The following LBR variants were observed in gnomAD, a reference collection of about 807,000 sequenced individuals.
LBR encodes the protein lamin B receptor, also known as delta(14)-sterol reductase LBR.
LBR carries 28 observed loss-of-function variants against 74.3 expected under a neutral mutation model. That is an observed-to-expected ratio of 0.38 (90% confidence interval 0.28 to 0.52). The LOEUF is 0.52. Among genes scored for constraint, LBR ranks in the 20% least tolerant of loss-of-function variants. LBR has a pLI of 0.89. For synonymous variants in LBR, 228 were observed against 269.3 expected (o/e 0.85, Z 1.50); for missense variants, 717 against 760.3 (o/e 0.94, Z 0.67).
intron 9 of LBR, 147 bp from the exon 10 acceptor site, chr1:225,410,563 C>A: frequency 1.3e-6 from 1 of 783,842 alleles, no homozygotes. Context: ...CATCTCAGCA[C>A]CATGGGCCCC....
rs2096107979 is a variant in LBR, at chr1:225,412,511, A to G, written c.1027T>C (p.Tyr343His). The G allele has an allele frequency of 6.2e-6, 10 of 1,614,098 alleles. No individual in the cohort carries two copies. The highest frequency in any genetic ancestry group is 6.8e-6 in the Non-Finnish European group (8 of 1,180,046). ...GCTTTCAAAGAGCGCATGTAGAGATACACACTCAAGACCACACAAAAAACA... is the reference window on the plus strand; with the variant it reads ...GCTTTCAAAGAGCGCATGTAGAGATGCACACTCAAGACCACACAAAAAACA... ...ATVFCVVLSV[Y>H]LYMRSLKAPR... The change falls in exon 8 of 14, where the codon TAT becomes CAT. Residue 343 changes from tyrosine to histidine, a missense_variant. Coordinates refer to ENST00000272163, the MANE Select transcript of LBR (RefSeq NM_002296.4).
chr1:225,412,686 A>C, intron 7 of LBR, 41 bp from the exon 8 acceptor site: 1 of 1,539,252 alleles, frequency 6.5e-7, no homozygotes, highest in African/African-American at 1.4e-5. Flanking sequence ...AATTAATATT[A>C]ACCCAAGGCT....
rs1263707317 is a variant in LBR, at chr1:225,403,186, A to G, written c.*117T>C. 2 of 836,748 alleles carry G rather than the reference A, an allele frequency of 2.4e-6. No individual in the cohort carries two copies. Among genetic ancestry groups the G allele is most frequent in the Admixed American group, 4.4e-5 (2 of 45,480 alleles). The allele number at this position is 836,748 out of a possible 1,614,324, so 51.8% of individuals were successfully genotyped here. The stretch of plus-strand genomic sequence containing the variant: ...GGCTCCATAGTCCTGACTCAAAAAG[A>G]AAAAAAAAAGTACAGACCCTGTCAG... On this transcript the variant is annotated 3_prime_UTR_variant, in exon 14 of 14. Coordinates refer to ENST00000272163, the MANE Select transcript of LBR (RefSeq NM_002296.4).
At chr1:225,407,554 A>T (rs1376674448) in intron 10 of LBR, among the ~76,000 whole-genome samples, 1 of 152,224 alleles carries the variant, frequency 6.6e-6, no homozygotes, top group Non-Finnish European at 1.5e-5. Context: ...AGCATGAGCC[A>T]GATCGCCTCT....
Position 225,412,665 on chromosome 1 carries a change from A to AG in LBR, c.893-21dup. The AG allele has an allele frequency of 6.5e-7, 1 of 1,547,902 alleles. No individual in the cohort carries two copies. Among genetic ancestry groups the AG allele is most frequent in the Non-Finnish European group, 8.8e-7 (1 of 1,131,016 alleles). ...AGAATCCTTTAAAAAAAAAAAAAAA[A>AG]GGAAGTGGAAAATTAATATTAACCC... On this transcript the variant is annotated intron_variant, in intron 7 of 13. Transcript: ENST00000272163.
Position 225,419,327 on chromosome 1 carries a change from C to G in LBR, c.576G>C (p.Leu192=), listed in dbSNP as rs756687580. ...SKEEKYVAKE[L]AVRTFEVTPI... The stretch of plus-strand genomic sequence containing the variant: ...GGGTCACTTCAAAGGTTCTCACTGC[C>G]AGTTCTTTTGCAACGTATTTTTCTT... The change falls in exon 5 of 14, where the codon CTG becomes CTC. Residue 192 remains leucine, a synonymous_variant. Coordinates refer to ENST00000272163, the MANE Select transcript of LBR (RefSeq NM_002296.4). 1.2e-5 allele frequency: 19 copies of G among 1,614,108 alleles called. No individual in the cohort carries two copies. In the South Asian group the frequency reaches 2.0e-4, roughly 17 times the overall value.
At chr1:225,426,846 TG>T in intron 1 of LBR, among the ~76,000 whole-genome samples, 1 of 152,194 alleles carries the variant, frequency 6.6e-6, no homozygotes. Flanking sequence ...TAAACATCCT[TG>T]GGCAGCTCAT....
intron 1 of LBR, among the ~76,000 whole-genome samples, chr1:225,426,822 C>T (rs1013223707): frequency 6.6e-6 from 1 of 152,184 alleles, no homozygotes; most frequent in Non-Finnish European, 1.5e-5. Flanking sequence ...AAGGCAGAAG[C>T]GCCTTCTTCC....
In LBR at chr1:225,419,228, C is replaced by T. The variant is rs755128004; in HGVS notation, c.640+35G>A. 3 of 1,607,156 alleles carry T rather than the reference C, an allele frequency of 1.9e-6. No individual in the cohort carries two copies. The African/African-American group carries it at 4.0e-5, about 21-fold the overall frequency. ...TGTGGCAACCACCCCTAGCTCACCCCACCTGCCCTCTCTGGGCCCAGCTCT... is the reference window on the plus strand; with the variant it reads ...TGTGGCAACCACCCCTAGCTCACCCTACCTGCCCTCTCTGGGCCCAGCTCT... On this transcript the variant is annotated intron_variant, in intron 5 of 13. Transcript: ENST00000272163.
rs549177877 is a variant in LBR at position 225,404,687 on chromosome 1, G to T, written c.1503C>A (p.Phe501Leu). The T allele has an allele frequency of 1.6e-4, 263 of 1,610,358 alleles. No homozygotes were observed. The South Asian group carries it at 2.6e-3, about 16-fold the overall frequency. The change falls in exon 12 of 14, where the codon TTC becomes TTA. Residue 501 changes from phenylalanine (F) to leucine (L), a missense_variant. Phe to Leu is a conservative substitution (Grantham distance 22). Coordinates refer to ENST00000272163, the MANE Select transcript of LBR (RefSeq NM_002296.4). ...CATTTTTCTGAGAATTTGCACCTCG[G>T]AAGATTACATAACCACAAACTGCAA... ...IVLKLCGYVIFRGANSQKNAF... is the reference protein window; with the variant it reads ...IVLKLCGYVILRGANSQKNAF...
In LBR at chr1:225,418,051, C is replaced by T; in HGVS notation, c.770G>A (p.Arg257Lys). Reference sequence around the variant, plus strand: ...CCACAGGAGGTAGACCCCAAATACTCTGGTTTCCCATAACTCATACAAAGC... The same window carrying T: ...CCACAGGAGGTAGACCCCAAATACTTTGGTTTCCCATAACTCATACAAAGC... Reference protein sequence around the residue: ...LPALYELWETRVFGVYLLWFL... With the variant: ...LPALYELWETKVFGVYLLWFL... Residue 257 changes from arginine (R) to lysine (K), a missense_variant, in exon 6 of 14, where the codon AGA (arginine) becomes AAA (lysine). Coordinates refer to ENST00000272163, the MANE Select transcript of LBR (RefSeq NM_002296.4). The T allele has an allele frequency of 6.2e-7, 1 of 1,614,198 alleles. No homozygotes were observed. The highest frequency in any genetic ancestry group is 8.5e-7 in the Non-Finnish European group (1 of 1,180,026).
chr1:225,419,737 T>A lies in LBR; in HGVS notation c.428A>T (p.Asp143Val). The change falls in exon 4 of 14, where the codon GAC (aspartate) becomes GTC (valine). Residue 143 changes from aspartate (D) to valine (V), a missense_variant. Physicochemically the swap from Asp to Val is radical, Grantham distance 152. Coordinates refer to ENST00000272163, the MANE Select transcript of LBR (RefSeq NM_002296.4). ...NGEPEHIERN[D>V]APHKNTQEKF... ...CACCTGTGTATTTTTATGAGGTGCGTCATTTCTCTCAATATGCTCAGGCTC... is the reference window on the plus strand; with the variant it reads ...CACCTGTGTATTTTTATGAGGTGCGACATTTCTCTCAATATGCTCAGGCTC... 6.2e-7 allele frequency: 1 copy of A among 1,612,012 alleles called. No individual in the cohort carries two copies.
intron 11 of LBR, among the ~76,000 whole-genome samples, chr1:225,405,106 C>T (rs2096088699): frequency 1.3e-5 from 2 of 152,314 alleles, no homozygotes; most frequent in South Asian, 2.1e-4. Context: ...ATCAAAATTA[C>T]AAGCTATATC....
Position 225,418,401 on chromosome 1 carries a change from A to C in LBR, c.641-221T>G, listed in dbSNP as rs367652236. On this transcript the variant is annotated intron_variant, in intron 5 of 13. Transcript: ENST00000272163. ...AAAAAATAAATAAATAAAAATAAAA[A>C]AAAAAAGAAAGAGGTCCAACATTGA... is the stretch of plus-strand genomic sequence containing the variant. Among the ~76,000 whole-genome samples the C allele has an allele frequency of 1.4e-3, 207 of 152,114 alleles. 1 individual carries two copies. Among genetic ancestry groups the C allele is most frequent in the African/African-American group, 4.9e-3 (202 of 41,554 alleles).
At chr1:225,421,131 C>T (rs2096126747) in intron 3 of LBR, among the ~76,000 whole-genome samples, 1 of 152,180 alleles carries the variant, frequency 6.6e-6, no homozygotes, top group South Asian at 2.1e-4. Flanking sequence ...GAAAGGTTAT[C>T]CCAATATTTT....
At chr1:225,414,333 A>G in intron 7 of LBR, 1 of 344,422 alleles carries the variant, frequency 2.9e-6, no homozygotes, top group East Asian at 7.5e-5. Flanking sequence ...CAAAGTATCC[A>G]AAGTTAAAAA....
At chr1:225,407,696 G>C (rs1050061047) in intron 10 of LBR, among the ~76,000 whole-genome samples, 2 of 152,098 alleles carry the variant, frequency 1.3e-5, no homozygotes, top group African/African-American at 4.8e-5. Flanking sequence ...AGAAATATTA[G>C]CCAGTATAAG....
At chr1:225,410,008 C>T (rs2096101381) in intron 10 of LBR, among the ~76,000 whole-genome samples, 2 of 152,134 alleles carry the variant, frequency 1.3e-5, no homozygotes, top group African/African-American at 4.8e-5. Context: ...TACCACCACC[C>T]ACAAAAACAA....
intron 2 of LBR, 142 bp from the exon 3 acceptor site, chr1:225,422,419 G>C: frequency 1.4e-6 from 1 of 720,462 alleles, no homozygotes; most frequent in Non-Finnish European, 2.4e-6. Context: ...ATCTGAGAAT[G>C]GATCAGATGA....
Sources: allele counts gnomAD v4.1 joint callset (sites outside exome capture counted in the v4.1 genomes callset), GRCh38; gene constraint gnomAD v4.1.1; transcripts MANE v1.5; gene names NCBI Gene and HGNC (gene_info 2026-07-23, HGNC 2026-07-21).